XKR6: variants seen among roughly 807,000 people sequenced by gnomAD.
XKR6 encodes the protein XK related 6.
XKR6 carries 22 observed loss-of-function variants against 56.7 expected under a neutral mutation model. The ratio of observed to expected loss-of-function variants is 0.39; its 90% CI spans 0.28 to 0.55. The LOEUF is 0.55. Ranked by LOEUF, XKR6 falls within the 20% of genes least tolerant of loss-of-function variation. XKR6 has a pLI of 0.66. For missense variants in XKR6, 852 were observed against 889.0 expected (o/e 0.96, Z 0.53); for synonymous variants, 524 against 387.8 (o/e 1.35, Z -4.13).
At chr8:10,901,601 A>G (rs1800037727) in intron 2 of XKR6, among the ~76,000 whole-genome samples, 1 of 152,182 alleles carries the variant, frequency 6.6e-6, no homozygotes. Context: ...AATCATGAAC[A>G]TCTGGTAGGT....
chr8:11,091,466 G>C (rs1333963619), intron 1 of XKR6, among the ~76,000 whole-genome samples: 6 of 115,268 alleles, frequency 5.2e-5, no homozygotes, highest in Non-Finnish European at 1.2e-4. Context: ...TAGATAGATA[G>C]ATAAAAAGAT....
In XKR6 at chr8:11,166,991, T is replaced by C. The variant is rs188927291; in HGVS notation, c.764+33585A>G. Among the ~76,000 whole-genome samples the C allele has an allele frequency of 1.1e-3, 175 of 152,244 alleles. 1 individual carries two copies. Among genetic ancestry groups the C allele is most frequent in the Middle Eastern group, 6.8e-3 (2 of 294 alleles). ...AGATACAGGAAGAGGGTATGACAAG[T>C]AAGGTGGCATCTGTTGCCTGCAGCG... is the stretch of plus-strand genomic sequence containing the variant. On this transcript the variant is annotated intron_variant, in intron 1 of 2. Transcript: ENST00000416569.
chr8:10,954,866 C>CCTTTTTTTTTTTTT (rs1554515116), intron 1 of XKR6, among the ~76,000 whole-genome samples: 1 of 92,794 alleles, frequency 1.1e-5, no homozygotes. Flanking sequence ...ACTTCATTCT[C>CCTTTTTTTTTTTTT]TTTTTTTTTT....
chr8:11,048,071 T>A (rs570837621), intron 1 of XKR6, among the ~76,000 whole-genome samples: 83 of 152,250 alleles, frequency 5.5e-4, no homozygotes, highest in Non-Finnish European at 1.0e-3. Flanking sequence ...CCCAGAGTGA[T>A]AACAAGGGGA....
Position 10,992,845 on chromosome 8 carries a change from G to A in XKR6, c.765-68015C>T, listed in dbSNP as rs147244109. Among the ~76,000 whole-genome samples the A allele has an allele frequency of 1.6e-3, 242 of 152,246 alleles. 1 individual carries two copies. The highest frequency in any genetic ancestry group is 5.6e-3 in the African/African-American group (232 of 41,540). ...GCACGTCCACAGCCCCTGGGACAAC[G>A]CCACCAAATGGATGTCTCCATGATC... On this transcript the variant is annotated intron_variant, in intron 1 of 2. Transcript: ENST00000416569.
chr8:11,169,807 G>A (rs1802274116), intron 1 of XKR6, among the ~76,000 whole-genome samples: 1 of 151,990 alleles, frequency 6.6e-6, no homozygotes, highest in African/African-American at 2.4e-5. Flanking sequence ...AAGATCAAGT[G>A]CAAAAATGGT....
intron 1 of XKR6, among the ~76,000 whole-genome samples, chr8:11,173,277 G>C (rs1015266423): frequency 3.3e-5 from 5 of 151,536 alleles, no homozygotes; most frequent in African/African-American, 1.2e-4. Context: ...CCAGGAGGCA[G>C]AGCTTGCAGT....
At chr8:11,004,456 C>T (rs1283955565) in intron 1 of XKR6, among the ~76,000 whole-genome samples, 1 of 151,492 alleles carries the variant, frequency 6.6e-6, no homozygotes, top group Non-Finnish European at 1.5e-5. Flanking sequence ...GCCTAGGCGA[C>T]ACAGTGAGAG....
rs142623060 is a variant in XKR6 at position 11,142,208 on chromosome 8, G to T, written c.764+58368C>A. The stretch of plus-strand genomic sequence containing the variant: ...AATTTGCATCCAGCATCTATACTCA[G>T]GTCTTGAAGCATCATTTCCAATTAA... On this transcript the variant is annotated intron_variant, in intron 1 of 2. Coordinates refer to ENST00000416569, the MANE Select transcript of XKR6 (RefSeq NM_173683.4). 4.3e-3 allele frequency among the ~76,000 whole-genome samples: 651 copies of T among 152,216 alleles called. 4 individuals carry two copies. Among genetic ancestry groups the T allele is most frequent in the African/African-American group, 0.015 (618 of 41,532 alleles).
At chr8:11,141,455 T>A (rs531507426) in intron 1 of XKR6, among the ~76,000 whole-genome samples, 63 of 152,264 alleles carry the variant, frequency 4.1e-4, no homozygotes, top group African/African-American at 1.5e-3. Flanking sequence ...AAAGCCAGGA[T>A]TCTCAGTGTA....
intron 1 of XKR6, among the ~76,000 whole-genome samples, chr8:11,120,053 T>C (rs1046194130): frequency 6.6e-6 from 1 of 152,292 alleles, no homozygotes; most frequent in Non-Finnish European, 1.5e-5. Flanking sequence ...ATAAGAGCTA[T>C]CTATGACAAA....
chr8:11,072,948 G>C (rs1027704782), intron 1 of XKR6, among the ~76,000 whole-genome samples: 1 of 152,198 alleles, frequency 6.6e-6, no homozygotes, highest in Non-Finnish European at 1.5e-5. Context: ...TACTAATGAG[G>C]CTGAGGCAGG....
chr8:11,049,379 G>C (rs140007251), intron 1 of XKR6, among the ~76,000 whole-genome samples: 2 of 152,270 alleles, frequency 1.3e-5, no homozygotes, highest in East Asian at 3.9e-4. Flanking sequence ...GACTTTATTT[G>C]AGTCTATTTG....
chr8:11,016,927 T>C (rs1338127959), intron 1 of XKR6, among the ~76,000 whole-genome samples: 1 of 152,210 alleles, frequency 6.6e-6, no homozygotes, highest in Non-Finnish European at 1.5e-5. Flanking sequence ...TTCCTTTAGA[T>C]AGACAGACAG....
At chr8:11,197,717 C>T (rs563729980) in intron 1 of XKR6, among the ~76,000 whole-genome samples, 6 of 152,306 alleles carry the variant, frequency 3.9e-5, no homozygotes, top group Admixed American at 1.3e-4. Flanking sequence ...TTCTTCCATG[C>T]TCCAATTTCA....
chr8:11,058,250 GT>G (rs1446709651), intron 1 of XKR6, among the ~76,000 whole-genome samples: 1 of 152,182 alleles, frequency 6.6e-6, no homozygotes, highest in Non-Finnish European at 1.5e-5. Flanking sequence ...GAATGTAATT[GT>G]GGAAGACAGT....
intron 1 of XKR6, among the ~76,000 whole-genome samples, chr8:10,999,777 G>A (rs570710095): frequency 1.3e-5 from 2 of 152,316 alleles, no homozygotes; most frequent in South Asian, 4.1e-4. Context: ...TATGCCGTTG[G>A]GTTGATGCAG....
intron 1 of XKR6, among the ~76,000 whole-genome samples, chr8:10,945,223 C>G (rs895459180): frequency 7.9e-5 from 12 of 152,332 alleles, no homozygotes; most frequent in Middle Eastern, 3.4e-3. Flanking sequence ...GTGGCTCATA[C>G]CTGCAGTCCC....
intron 1 of XKR6, among the ~76,000 whole-genome samples, chr8:11,091,187 T>C (rs1418856217): frequency 6.6e-6 from 1 of 152,102 alleles, no homozygotes; most frequent in Non-Finnish European, 1.5e-5. Context: ...TCCCAGCACT[T>C]GGGAGAGACA....
Sources: allele counts gnomAD v4.1 joint callset (sites outside exome capture counted in the v4.1 genomes callset), GRCh38; gene constraint gnomAD v4.1.1; transcripts MANE v1.5; gene names NCBI Gene and HGNC (gene_info 2026-07-23, HGNC 2026-07-21).